FRMD4B: variants seen among roughly 807,000 people sequenced by gnomAD.
FRMD4B encodes FERM domain containing 4B, also known as FERM domain-containing protein 4B.
In FRMD4B, 74 loss-of-function variants were observed where a neutral mutation model predicts 141.5. The observed-to-expected ratio is 0.52, with a 90% confidence interval of 0.43 to 0.63. The LOEUF is 0.63. Ranked by LOEUF, FRMD4B falls within the 30% of genes least tolerant of loss-of-function variation. FRMD4B has a pLI of 0.00. For synonymous variants in FRMD4B, 506 were observed against 467.9 expected (o/e 1.08, Z -1.05); for missense variants, 1,366 against 1,253.4 (o/e 1.09, Z -1.36).
chr3:69,410,245 T>C (rs1183863307), intron 2 of FRMD4B, among the ~76,000 whole-genome samples: 1 of 152,132 alleles, frequency 6.6e-6, no homozygotes, highest in Non-Finnish European at 1.5e-5. Context: ...CAATTTCAAG[T>C]TCCAAAAGCA....
Position 69,196,891 on chromosome 3 carries a change from G to T in FRMD4B, c.1092+9C>A. Reference sequence around the variant, plus strand: ...ATCTGTCCCTATAGAAATGATGCCAGTTACTTACTTTGCTTTGCTTCCGGT... The same window carrying T: ...ATCTGTCCCTATAGAAATGATGCCATTTACTTACTTTGCTTTGCTTCCGGT... On this transcript the variant is annotated intron_variant, in intron 13 of 22. Coordinates refer to ENST00000398540, the MANE Select transcript of FRMD4B (RefSeq NM_015123.3). The T allele has an allele frequency of 6.2e-7, 1 of 1,602,910 alleles. No homozygotes were observed. The highest frequency in any genetic ancestry group is 8.5e-7 in the Non-Finnish European group (1 of 1,170,626).
At chr3:69,407,928 A>G (rs1245054768) in intron 2 of FRMD4B, among the ~76,000 whole-genome samples, 1 of 151,794 alleles carries the variant, frequency 6.6e-6, no homozygotes, top group Non-Finnish European at 1.5e-5. Context: ...CATGTGGGGG[A>G]AAAAGGAGTT....
chr3:69,410,722 AATAAATATAT>A (rs1395850987), intron 2 of FRMD4B, among the ~76,000 whole-genome samples: 58 of 58,476 alleles, frequency 9.9e-4, no homozygotes, highest in South Asian at 3.1e-3. Flanking sequence ...TAAATAAATA[AATAAATATAT>A]ATATATATAT....
chr3:69,175,149 C>A (rs2092629650), intron 22 of FRMD4B, among the ~76,000 whole-genome samples: 1 of 152,240 alleles, frequency 6.6e-6, no homozygotes, highest in South Asian at 2.1e-4. Flanking sequence ...CTGCTAAATT[C>A]TCAAATTTAC....
At position 69,515,293 on chromosome 3, in the gene FRMD4B, C is replaced by A. The variant is rs549857618; in HGVS notation, c.-129+26913G>T. Among the ~76,000 whole-genome samples, 3 of 152,268 alleles carry A rather than the reference C, an allele frequency of 2.0e-5. No individual in the cohort carries two copies. The South Asian group carries it at 6.2e-4, about 32-fold the overall frequency. On this transcript the variant is annotated intron_variant, in intron 1 of 5. Coordinates refer to the FRMD4B transcript ENST00000459638. ...GATCCAATCGTCTTCCACCAGGTAC[C>A]ACCTCCTACGTCGGGGATTACAATT...
rs150361395 is a variant in FRMD4B at position 69,206,136 on chromosome 3, A to C, written c.877-7362T>G. Among the ~76,000 whole-genome samples, 34 of 152,210 alleles carry C rather than the reference A, an allele frequency of 2.2e-4. No individual in the cohort carries two copies. In the East Asian group the frequency reaches 6.4e-3, roughly 29 times the overall value. On this transcript the variant is annotated intron_variant, in intron 11 of 22. Coordinates refer to ENST00000398540, the MANE Select transcript of FRMD4B (RefSeq NM_015123.3). ...GGAGGCCGGGGTGGGTGGATTGTCT[A>C]AAGTCAGGAGTTCGAGACCAGCCTG...
intron 7 of FRMD4B, among the ~76,000 whole-genome samples, chr3:69,227,313 G>A (rs999362538): frequency 5.3e-5 from 8 of 152,074 alleles, no homozygotes; most frequent in South Asian, 2.1e-4. Context: ...ACTAAAATGT[G>A]CGTTAATAGG....
At position 69,216,349 on chromosome 3, in the gene FRMD4B, C is replaced by G; in HGVS notation, c.790G>C (p.Asp264His). 1 of 1,512,674 alleles carries G rather than the reference C, an allele frequency of 6.6e-7. No homozygotes were observed. Among genetic ancestry groups the G allele is most frequent in the Non-Finnish European group, 9.1e-7 (1 of 1,101,418 alleles). The allele number at this position is 1,512,674 out of a possible 1,614,324, so 93.7% of individuals were successfully genotyped here. ...TYGVHYYAVK[D>H]KQGLPWWLGI... ...AGCCACCAAGGAAGTCCTTGCTTAT[C>G]CTAGAAGATGAAAAAGCATGAGAAC... The change falls in exon 11 of 23, where the codon GAT becomes CAT. Residue 264 changes from aspartate (D) to histidine (H), a missense_variant and splice_region_variant. Asp to His is a moderately conservative substitution (Grantham distance 81). Transcript: ENST00000398540.
At chr3:69,366,964 G>A (rs1045054455) in intron 1 of FRMD4B, among the ~76,000 whole-genome samples, 1 of 151,724 alleles carries the variant, frequency 6.6e-6, no homozygotes, top group African/African-American at 2.4e-5. Context: ...ATGAAATTTT[G>A]CCATGTTGCC....
At position 69,394,770 on chromosome 3, in the gene FRMD4B, T is replaced by A. The variant is rs543447628; in HGVS notation, c.-1+37864A>T. On this transcript the variant is annotated intron_variant, in intron 2 of 5. Transcript: ENST00000459638. ...AGCAAAGATTTGGGATCAACCCAAATGCCCATCAGTGATAGACTGGATAAA... is the reference window on the plus strand; with the variant it reads ...AGCAAAGATTTGGGATCAACCCAAAAGCCCATCAGTGATAGACTGGATAAA... Among the ~76,000 whole-genome samples the A allele has an allele frequency of 2.0e-5, 3 of 152,346 alleles. No homozygotes were observed. The South Asian group carries it at 6.2e-4, about 32-fold the overall frequency.
chr3:69,418,683 C>T (rs1704915996), intron 2 of FRMD4B, among the ~76,000 whole-genome samples: 1 of 152,134 alleles, frequency 6.6e-6, no homozygotes, highest in African/African-American at 2.4e-5. Flanking sequence ...TGAATCCTGC[C>T]AAAAGCCAGT....
At chr3:69,454,937 T>C (rs989509188) in intron 1 of FRMD4B, among the ~76,000 whole-genome samples, 4 of 152,240 alleles carry the variant, frequency 2.6e-5, no homozygotes, top group Non-Finnish European at 4.4e-5. Context: ...GCCGGAGGAT[T>C]GTGTATGCGC....
chr3:69,229,629 G>A (rs955959718), intron 7 of FRMD4B, among the ~76,000 whole-genome samples: 14 of 152,176 alleles, frequency 9.2e-5, no homozygotes, highest in Non-Finnish European at 1.8e-4. Context: ...AACAAGCAGT[G>A]TATAGAAGTA....
chr3:69,230,150 G>C (rs1232099191), intron 7 of FRMD4B, among the ~76,000 whole-genome samples: 5 of 151,772 alleles, frequency 3.3e-5, no homozygotes, highest in Non-Finnish European at 7.4e-5. Flanking sequence ...TAATTTTTTT[G>C]TATTTTTAGT....
intron 19 of FRMD4B, 76 bp from the exon 20 acceptor site, chr3:69,182,793 C>CA: frequency 7.1e-7 from 1 of 1,410,130 alleles, no homozygotes; most frequent in South Asian, 1.3e-5. Context: ...TAAGCAGATA[C>CA]AAAACTTACT....
At position 69,171,609 on chromosome 3, in the gene FRMD4B, GC is replaced by G; in HGVS notation, c.*251del. ...AGGCTTCACACTGAGTCCTCTCTTG[GC>G]AATACTTCAACATGTGGGCAGACCC... On this transcript the variant is annotated 3_prime_UTR_variant, in exon 23 of 23. Transcript: ENST00000398540. 2.6e-6 allele frequency: 1 copy of G among 379,422 alleles called. No homozygotes were observed. The highest frequency in any genetic ancestry group is 4.8e-6 in the Non-Finnish European group (1 of 206,558). The allele number at this position is 379,422 out of a possible 1,614,324, so 23.5% of individuals were successfully genotyped here. A position where few individuals can be genotyped will look rare whatever the true frequency, so the allele number is the denominator to read the frequency against.
chr3:69,295,944 G>A (rs1163628980), intron 4 of FRMD4B, among the ~76,000 whole-genome samples: 1 of 152,038 alleles, frequency 6.6e-6, no homozygotes, highest in Non-Finnish European at 1.5e-5. Context: ...AGCCTCCCGC[G>A]TAGCTGGGAC....
intron 1 of FRMD4B, among the ~76,000 whole-genome samples, chr3:69,507,434 T>C (rs1706615233): frequency 6.6e-6 from 1 of 152,192 alleles, no homozygotes; most frequent in South Asian, 2.1e-4. Context: ...ATATATATTG[T>C]TCTGTACCTT....
intron 5 of FRMD4B, among the ~76,000 whole-genome samples, chr3:69,282,331 C>T (rs1311537806): frequency 6.6e-6 from 1 of 152,088 alleles, no homozygotes; most frequent in African/African-American, 2.4e-5. Flanking sequence ...GAGAAGAATG[C>T]CCTCTGTGCA....
Sources: allele counts gnomAD v4.1 joint callset (sites outside exome capture counted in the v4.1 genomes callset), GRCh38; gene constraint gnomAD v4.1.1; transcripts MANE v1.5; gene names NCBI Gene and HGNC (gene_info 2026-07-23, HGNC 2026-07-21).